Variants in NALCN observed in about 807,000 individuals in gnomAD.
NALCN encodes the protein sodium leak channel, non-selective, also known as sodium leak channel NALCN.
Under a neutral mutation model 225.3 loss-of-function variants are expected in NALCN, and 111 were observed. The ratio of observed to expected loss-of-function variants is 0.49; its 90% confidence interval spans 0.42 to 0.58. The LOEUF is 0.58. NALCN is among the 20% of genes least tolerant of loss of function. NALCN has a pLI of 0.00. For synonymous variants in NALCN, 764 were observed against 769.0 expected (o/e 0.99, Z 0.11); for missense variants, 1,378 against 2,202.4 (o/e 0.63, Z 7.49).
At chr13:101,251,095 T>A (rs1566486619) in intron 11 of NALCN, among the ~76,000 whole-genome samples, 1 of 152,074 alleles carries the variant, frequency 6.6e-6, no homozygotes, top group African/African-American at 2.4e-5. Flanking sequence ...TTAGCAAAGT[T>A]GAAAGTGAGC....
intron 7 of NALCN, among the ~76,000 whole-genome samples, chr13:101,317,907 A>C (rs183004643): frequency 7.9e-5 from 12 of 152,128 alleles, no homozygotes; most frequent in Admixed American, 3.3e-4. Context: ...TTATCTACTT[A>C]TTTTTTAACG....
At chr13:101,411,615 T>C (rs1042600205) in intron 1 of NALCN, among the ~76,000 whole-genome samples, 1 of 152,308 alleles carries the variant, frequency 6.6e-6, no homozygotes, top group South Asian at 2.1e-4. Flanking sequence ...CCCAAAGTGC[T>C]GGGATTACAG....
intron 17 of NALCN, among the ~76,000 whole-genome samples, chr13:101,135,141 G>A (rs1400665336): frequency 6.6e-6 from 1 of 152,226 alleles, no homozygotes; most frequent in Admixed American, 6.5e-5. Context: ...CTTGCAGTGA[G>A]CCGAGATCGT....
chr13:101,314,331 T>C (rs1566565499), intron 7 of NALCN, among the ~76,000 whole-genome samples: 1 of 151,766 alleles, frequency 6.6e-6, no homozygotes, highest in Admixed American at 6.6e-5. Context: ...AAAAAATGTA[T>C]ATAGGGAATG....
At chr13:101,283,229 A>C (rs2139004244) in intron 10 of NALCN, among the ~76,000 whole-genome samples, 1 of 152,308 alleles carries the variant, frequency 6.6e-6, no homozygotes, top group South Asian at 2.1e-4. Flanking sequence ...TGAATGAGTT[A>C]CTGATATTTA....
intron 15 of NALCN, among the ~76,000 whole-genome samples, chr13:101,155,978 T>A (rs1254155919): frequency 6.6e-6 from 1 of 152,218 alleles, no homozygotes; most frequent in African/African-American, 2.4e-5. Context: ...TCTGAGAGAA[T>A]CAGTTGTCCC....
chr13:101,244,174 C>CAA (rs11453883), intron 11 of NALCN, among the ~76,000 whole-genome samples: 82 of 147,798 alleles, frequency 5.5e-4, no homozygotes, highest in Non-Finnish European at 8.6e-4. Context: ...ATTTTCATTC[C>CAA]AAAAAAAAAG....
intron 7 of NALCN, among the ~76,000 whole-genome samples, chr13:101,315,720 A>T (rs534074): frequency 0.41 from 62,029 of 151,982 alleles, 13,024 homozygotes; most frequent in Middle Eastern, 0.47. Flanking sequence ...ATCATTAATA[A>T]GAATTGATCT....
intron 1 of NALCN, among the ~76,000 whole-genome samples, chr13:101,408,320 C>A (rs138754413): frequency 6.6e-6 from 1 of 152,146 alleles, no homozygotes; most frequent in South Asian, 2.1e-4. Flanking sequence ...CTCTCCTCCG[C>A]GTATCCTTAG....
intron 1 of NALCN, among the ~76,000 whole-genome samples, chr13:101,415,206 C>CATATATATAGATATATATATATATAT (rs1278371508): frequency 9.5e-6 from 1 of 104,810 alleles, no homozygotes; most frequent in African/African-American, 5.1e-5. Flanking sequence ...ACAAATCACA[C>CATATATATAGATATATATATATATAT]ACATATATAT....
At chr13:101,281,214 C>A (rs1241118625) in intron 10 of NALCN, among the ~76,000 whole-genome samples, 1 of 152,098 alleles carries the variant, frequency 6.6e-6, no homozygotes, top group Non-Finnish European at 1.5e-5. Flanking sequence ...TCAAAGCGGA[C>A]CCCAATTTAT....
intron 6 of NALCN, among the ~76,000 whole-genome samples, chr13:101,362,424 A>G (rs2139369108): frequency 6.6e-6 from 1 of 152,256 alleles, no homozygotes; most frequent in East Asian, 1.9e-4. Context: ...CAGAAATGAA[A>G]GGATGGCTTA....
chr13:101,212,132 C>T (rs1361768535), intron 13 of NALCN, among the ~76,000 whole-genome samples: 3 of 152,152 alleles, frequency 2.0e-5, no homozygotes, highest in Non-Finnish European at 4.4e-5. Flanking sequence ...TTCTCCATGT[C>T]TCTAATTTAC....
Position 101,157,236 on chromosome 13 carries a change from A to G in NALCN, c.1840-12340T>C, listed in dbSNP as rs139185598. Among the ~76,000 whole-genome samples, 685 of 152,342 alleles carry G rather than the reference A, an allele frequency of 4.5e-3. 1 individual carries two copies. The highest frequency in any genetic ancestry group is 0.01 in the Middle Eastern group (3 of 294). On this transcript the variant is annotated intron_variant, in intron 15 of 43. Transcript: ENST00000251127. ...TATGTGTGTACTTGAGTTAGTACAC[A>G]TACATGTATTTCCCTGCTCTTCTTG...
chr13:101,059,938 G>A lies in NALCN; in HGVS notation c.4785C>T (p.His1595=). ...AKQQQSCSII[H]SLRESQQQEL... Reference sequence around the variant, plus strand: ...CTTGCTGCTGACTCTCTCTCAGGCTGTGGATGATACTGCACGACTGCTGCT... The same window carrying A: ...CTTGCTGCTGACTCTCTCTCAGGCTATGGATGATACTGCACGACTGCTGCT... The change falls in exon 42 of 44, where the codon CAC becomes CAT. Residue 1595 remains histidine, a synonymous_variant. Coordinates refer to ENST00000251127, the MANE Select transcript of NALCN (RefSeq NM_052867.4). 1 of 1,614,044 alleles carries A rather than the reference G, an allele frequency of 6.2e-7. No individual in the cohort carries two copies. Among genetic ancestry groups the A allele is most frequent in the Non-Finnish European group, 8.5e-7 (1 of 1,179,998 alleles).
At chr13:101,055,655 A>C (rs1372742407) in intron 43 of NALCN, among the ~76,000 whole-genome samples, 167 bp from the exon 44 acceptor site, 1 of 151,974 alleles carries the variant, frequency 6.6e-6, no homozygotes, top group African/African-American at 2.4e-5. Flanking sequence ...TGTTCACGAT[A>C]GATTTTTTTT....
chr13:101,346,097 A>C lies in NALCN; in HGVS notation c.645-677T>G, dbSNP rs1436308561. On this transcript the variant is annotated intron_variant, in intron 6 of 43. Transcript: ENST00000251127. ...TCTCTCTCTCTCTCTCTATATATAT[A>C]TATATATATATATATGATGTTATTT... Among the ~76,000 whole-genome samples the C allele has an allele frequency of 2.5e-3, 260 of 105,166 alleles. 2 individuals carry two copies. Among genetic ancestry groups the C allele is most frequent in the South Asian group, 6.1e-3 (18 of 2,944 alleles). 69.0% of individuals were successfully genotyped at this position (105,166 alleles called of 152,430 possible). A position where few individuals can be genotyped will look rare whatever the true frequency, so the allele number is the denominator to read the frequency against.
intron 6 of NALCN, among the ~76,000 whole-genome samples, chr13:101,357,674 G>T (rs2046103445): frequency 6.6e-6 from 1 of 151,960 alleles, no homozygotes; most frequent in Admixed American, 6.6e-5. Flanking sequence ...CACAGAATTA[G>T]AAAAAAACTA....
chr13:101,161,881 A>C (rs2038202839), intron 15 of NALCN, among the ~76,000 whole-genome samples: 1 of 152,110 alleles, frequency 6.6e-6, no homozygotes, highest in Admixed American at 6.5e-5. Flanking sequence ...AAACAAACAA[A>C]CAAACAAAAA....
Sources: gnomAD v4.1 joint callset for allele counts (sites outside exome capture counted in the v4.1 genomes callset) on GRCh38, gnomAD v4.1.1 for gene constraint, MANE v1.5 for transcripts, NCBI Gene and HGNC (gene_info 2026-07-23, HGNC 2026-07-21) for gene names.